Variants in LMAN2 observed in about 807,000 individuals in gnomAD.
LMAN2 encodes the protein lectin, mannose binding 2, also known as vesicular integral-membrane protein VIP36.
In LMAN2, 22 loss-of-function variants were observed where a neutral mutation model predicts 39.3. The observed-to-expected ratio is 0.56, with a 90% CI of 0.40 to 0.80. The LOEUF (loss-of-function observed/expected upper bound fraction) is 0.80. Ranked by LOEUF, LMAN2 falls within the 30% of genes least tolerant of loss-of-function variation. LMAN2 has a pLI of 0.00. For synonymous variants in LMAN2, 207 were observed against 207.8 expected, an observed-to-expected ratio of 1.00 and a Z score of 0.03; for missense variants, 494 against 505.4, an observed-to-expected ratio of 0.98 and a Z score of 0.22.
chr5:177,344,770 G>A (rs1761609630), intron 2 of LMAN2, among the ~76,000 whole-genome samples: 1 of 151,678 alleles, frequency 6.6e-6, no homozygotes, highest in Non-Finnish European at 1.5e-5. Context: ...GCCGGGTGCG[G>A]TGGCGGGCGC....
In LMAN2 at chr5:177,332,263, G is replaced by C; in HGVS notation, c.911-17C>G. ...CCACGTTGTCTGGGGGAGAAGAAACGGGGGAGCTGAAACGGCAGCACGGGC... is the reference window on the plus strand; with the variant it reads ...CCACGTTGTCTGGGGGAGAAGAAACCGGGGAGCTGAAACGGCAGCACGGGC... On this transcript the variant is annotated splice_polypyrimidine_tract_variant and intron_variant, in intron 7 of 7. Transcript: ENST00000303127. This position sits in a 1 kb window ranked among gnomAD's most constrained non-coding sequence, Gnocchi z 6.3. 1.2e-6 allele frequency: 2 copies of C among 1,609,552 alleles called. No homozygotes were observed. The highest frequency in any genetic ancestry group is 1.7e-6 in the Non-Finnish European group (2 of 1,178,260).
chr5:177,347,129 T>A (rs989860479), intron 2 of LMAN2, among the ~76,000 whole-genome samples: 22 of 151,938 alleles, frequency 1.4e-4, no homozygotes, highest in Non-Finnish European at 2.5e-4. Flanking sequence ...TAAAAAAAAA[T>A]ATCTCACATG....
intron 2 of LMAN2, among the ~76,000 whole-genome samples, chr5:177,344,922 A>G (rs1761611844): frequency 6.6e-6 from 1 of 151,140 alleles, no homozygotes; most frequent in Admixed American, 6.6e-5. Context: ...AGAAAAGAAA[A>G]GAAAAGAAGA....
chr5:177,344,208 A>ACC (rs112138003), intron 2 of LMAN2, among the ~76,000 whole-genome samples: 8 of 138,466 alleles, frequency 5.8e-5, no homozygotes, highest in African/African-American at 1.9e-4. Context: ...ACAAAGTGAG[A>ACC]CCCCCCCCAT....
chr5:177,334,289 G>C lies in LMAN2; in HGVS notation c.905C>G (p.Pro302Arg), dbSNP rs758556309. The C allele has an allele frequency of 3.9e-5, 63 of 1,611,628 alleles. No homozygotes were observed. The highest frequency in any genetic ancestry group is 5.3e-5 in the Non-Finnish European group (62 of 1,179,816). ...IEPSVNFLKS[P>R]KDNVDDPTGN... ...GCGGGGCTGTGCACACGCACCTTTG[G>C]GCGACTTGAGGAAGTTGACGCTGGG... is the stretch of plus-strand genomic sequence containing the variant. The change falls in exon 7 of 8, where the codon CCC (proline) becomes CGC (arginine). Residue 302 changes from proline to arginine, a missense_variant. Coordinates refer to ENST00000303127, the MANE Select transcript of LMAN2 (RefSeq NM_006816.3).
chr5:177,344,283 T>G (rs1343857799), intron 2 of LMAN2, among the ~76,000 whole-genome samples: 1 of 25,156 alleles, frequency 4.0e-5, no homozygotes, highest in Non-Finnish European at 1.0e-4. Flanking sequence ...CTTTGTTACT[T>G]TTTTTTTTTT....
At chr5:177,338,458 C>A (rs1761507383) in intron 3 of LMAN2, 30 bp downstream of exon 3, 1 of 1,595,302 alleles carries the variant, frequency 6.3e-7, no homozygotes, top group Non-Finnish European at 8.6e-7. Context: ...CCCACCCCCA[C>A]AGGGCCCAGC....
rs1412194432 is a variant in LMAN2, at chr5:177,331,854, A to T, written c.*232T>A. ...GTAGACACAGACCCCTGCTCCTGAG[A>T]CACCAGCCCCAGGAGAGCCTCCGTC... On this transcript the variant is annotated 3_prime_UTR_variant, in exon 8 of 8. Transcript: ENST00000303127. 2 of 491,294 alleles carry T rather than the reference A, an allele frequency of 4.1e-6. No individual in the cohort carries two copies. Among genetic ancestry groups the T allele is most frequent in the Non-Finnish European group, 7.2e-6 (2 of 276,874 alleles). 30.4% of individuals were successfully genotyped at this position (491,294 alleles called of 1,614,324 possible).
In LMAN2 at chr5:177,332,052, T is replaced by C. The variant is rs1461046810; in HGVS notation, c.*34A>G. The C allele has an allele frequency of 1.3e-6, 2 of 1,557,914 alleles. No individual in the cohort carries two copies. Among genetic ancestry groups the C allele is most frequent in the East Asian group, 2.3e-5 (1 of 43,998 alleles). On this transcript the variant is annotated 3_prime_UTR_variant, in exon 8 of 8. Transcript: ENST00000303127. The surrounding 1 kb of genome is among the most constrained non-coding windows in gnomAD (Gnocchi z 6.3). ...AAAAAAAAAAGTTCACATTGGCTCC[T>C]GGGCCCAGGGACAGGCCCCGCCGGA...
At chr5:177,341,894 T>A (rs78479678) in intron 2 of LMAN2, among the ~76,000 whole-genome samples, 2 of 152,192 alleles carry the variant, frequency 1.3e-5, no homozygotes, top group Admixed American at 6.5e-5. Context: ...TGGTACAACA[T>A]GAATGCCTGC....
In LMAN2 at chr5:177,351,607, C is replaced by CA. The variant is rs1761727364; in HGVS notation, c.40_41insT (p.Arg14LeufsTer35). 2 of 1,608,794 alleles carry CA rather than the reference C, an allele frequency of 1.2e-6. No homozygotes were observed. Among genetic ancestry groups the CA allele is most frequent in the Non-Finnish European group, 1.7e-6 (2 of 1,178,282 alleles). On this transcript the variant is annotated frameshift_variant, in exon 1 of 8. Coordinates refer to ENST00000303127, the MANE Select transcript of LMAN2 (RefSeq NM_006816.3). LOFTEE classifies it high-confidence loss of function. ...AAGCCCAGGCCTTCCCAGGCACCGC[C>CA]GGCCCCAGCCCCAACGCCAAATCCA... is the stretch of plus-strand genomic sequence containing the variant.
rs1374834522 is a variant in LMAN2, at chr5:177,332,804, C to A, written c.911-558G>T. On this transcript the variant is annotated intron_variant, in intron 7 of 7. Coordinates refer to ENST00000303127, the MANE Select transcript of LMAN2 (RefSeq NM_006816.3). The surrounding 1 kb of genome is among the most constrained non-coding windows in gnomAD (Gnocchi z 6.3). ...TCCTGGGATGGGGCCCACTGGTACG[C>A]TCCCTTGTACAGGCGGAGAGAAGAC... 1.3e-5 allele frequency among the ~76,000 whole-genome samples: 2 copies of A among 152,172 alleles called. No homozygotes were observed. Among genetic ancestry groups the A allele is most frequent in the African/African-American group, 4.8e-5 (2 of 41,430 alleles).
chr5:177,333,885 G>A, intron 7 of LMAN2, among the ~76,000 whole-genome samples: 1 of 152,220 alleles, frequency 6.6e-6, no homozygotes, highest in Admixed American at 6.5e-5. Flanking sequence ...AGAAGGGACA[G>A]GTGGGCCAAC....
At chr5:177,346,327 T>C (rs557034862) in intron 2 of LMAN2, 2 of 373,428 alleles carry the variant, frequency 5.4e-6, no homozygotes, top group Non-Finnish European at 9.5e-6. Context: ...AATCCACAAG[T>C]GGCTCACTGA....
At position 177,337,385 on chromosome 5, in the gene LMAN2, C is replaced by T. The variant is rs373179939; in HGVS notation, c.653G>A (p.Arg218His). 31 of 1,611,728 alleles carry T rather than the reference C, an allele frequency of 1.9e-5. No homozygotes were observed. Among genetic ancestry groups the T allele is most frequent in the African/African-American group, 6.7e-5 (5 of 74,912 alleles). Reference protein sequence around the residue: ...NRDHDTFLAVRYSRGRLTVMT... With the variant: ...NRDHDTFLAVHYSRGRLTVMT... The stretch of plus-strand genomic sequence containing the variant: ...CACCGTCAGACGGCCCCGGGAGTAG[C>T]GCACAGCCAGGAAGGTGTCGTGATC... The change falls in exon 5 of 8, where the codon CGC (arginine) becomes CAC (histidine). Residue 218 changes from arginine to histidine, a missense_variant. Physicochemically the swap from Arg to His is conservative, Grantham distance 29. Transcript: ENST00000303127. The surrounding 1 kb of genome is among the most constrained non-coding windows in gnomAD (Gnocchi z 8.2).
intron 2 of LMAN2, among the ~76,000 whole-genome samples, chr5:177,345,367 CTCTT>C (rs1761618528): frequency 2.1e-5 from 3 of 141,596 alleles, no homozygotes; most frequent in Non-Finnish European, 4.6e-5. Context: ...AAAAAAGCCA[CTCTT>C]TCAATGTCAA....
chr5:177,345,339 T>TGAAAAA (rs1199137170), intron 2 of LMAN2, among the ~76,000 whole-genome samples: 1 of 52,392 alleles, frequency 1.9e-5, no homozygotes, highest in Non-Finnish European at 3.6e-5. Context: ...AGACCCTGTC[T>TGAAAAA]AAAAAAAAAA....
chr5:177,334,235 C>G, intron 7 of LMAN2, 49 bp downstream of exon 7: 1 of 1,571,444 alleles, frequency 6.4e-7, no homozygotes, highest in South Asian at 1.2e-5. Context: ...TCACCCCATT[C>G]TGGGTCAGGC....
intron 6 of LMAN2, among the ~76,000 whole-genome samples, chr5:177,334,860 C>T (rs1051424683): frequency 6.6e-6 from 1 of 152,214 alleles, no homozygotes; most frequent in Non-Finnish European, 1.5e-5. Context: ...GTCCCAAGGG[C>T]AGGAGCCACC....
Sources: gnomAD v4.1 joint callset for allele counts (sites outside exome capture counted in the v4.1 genomes callset) on GRCh38, gnomAD v4.1.1 for gene constraint, Gnocchi (gnomAD v3.1) non-coding constraint, MANE v1.5 for transcripts, NCBI Gene and HGNC (gene_info 2026-07-23, HGNC 2026-07-21) for gene names.